Variants in MICAL3 observed in about 807,000 individuals in gnomAD.
MICAL3 encodes [F-actin]-monooxygenase MICAL3.
In MICAL3, 62 loss-of-function variants were observed where a neutral mutation model predicts 207.4. The ratio of observed to expected loss-of-function variants is 0.30; its 90% CI spans 0.24 to 0.37. The LOEUF (loss-of-function observed/expected upper bound fraction) is 0.37, where lower values mean the gene tolerates loss of function less well. MICAL3 is among the 10% of genes least tolerant of loss of function. The probability of loss-of-function intolerance (pLI) is 1.00; values close to 1 mark genes in which losing one functional copy is unlikely to be tolerated. For synonymous variants in MICAL3, 1,077 were observed against 1,069.3 expected, an observed-to-expected ratio of 1.01 and a Z score of -0.14; for missense variants, 2,368 against 2,635.6, an observed-to-expected ratio of 0.90 and a Z score of 2.22.
chr22:17,810,848 G>A (rs1157759844), intron 27 of MICAL3, 35 bp from the exon 28 acceptor site: 1 of 1,557,122 alleles, frequency 6.4e-7, no homozygotes. Context: ...TCAGTCAGGT[G>A]CACGGAGGCC....
chr22:17,794,266 T>C (rs137868561), intron 29 of MICAL3, among the ~76,000 whole-genome samples: 177 of 152,374 alleles, frequency 1.2e-3, no homozygotes, highest in African/African-American at 3.8e-3. Context: ...AGCCCCTGGA[T>C]AGGTCTGCCT....
At chr22:17,894,404 A>G (rs1215732749) in intron 10 of MICAL3, among the ~76,000 whole-genome samples, 1 of 151,770 alleles carries the variant, frequency 6.6e-6, no homozygotes, top group Non-Finnish European at 1.5e-5. Flanking sequence ...TCAAAAAAAA[A>G]AAAAAAGAAA....
intron 22 of MICAL3, 141 bp from the exon 23 acceptor site, chr22:17,823,201 G>A (rs1423156632): frequency 9.4e-6 from 6 of 640,772 alleles, no homozygotes; most frequent in Middle Eastern, 3.1e-4. Context: ...CCAGGCCCAG[G>A]GGGCTCTCCA....
chr22:17,825,329 G>A lies in MICAL3; in HGVS notation c.3194-2269C>T, dbSNP rs1229557954. Among the ~76,000 whole-genome samples the A allele has an allele frequency of 3.9e-5, 6 of 152,334 alleles. No individual in the cohort carries two copies. In the South Asian group the frequency reaches 1.0e-3, roughly 26 times the overall value. ...TGTTGAAAGGGACACAGCTTGAGGG[G>A]TGGATCTGGGGGTGAAATTCAGGTT... On this transcript the variant is annotated intron_variant, in intron 22 of 31. Coordinates refer to ENST00000441493, the MANE Select transcript of MICAL3 (RefSeq NM_015241.3).
chr22:17,846,758 G>T (rs1426099066), intron 19 of MICAL3, among the ~76,000 whole-genome samples: 1 of 152,246 alleles, frequency 6.6e-6, no homozygotes, highest in African/African-American at 2.4e-5. Context: ...AAAGCGGGAT[G>T]AAAGATCTGC....
chr22:17,950,267 T>G (rs1163832720), intron 1 of MICAL3, among the ~76,000 whole-genome samples: 1 of 151,462 alleles, frequency 6.6e-6, no homozygotes, highest in Admixed American at 6.6e-5. Context: ...GTTCAGGCGA[T>G]TCTTGTACCT....
chr22:17,843,745 C>G (rs1490169699), intron 19 of MICAL3, among the ~76,000 whole-genome samples: 1 of 152,230 alleles, frequency 6.6e-6, no homozygotes, highest in Non-Finnish European at 1.5e-5. Flanking sequence ...CCACTGTGTG[C>G]ATACTCCTGG....
intron 1 of MICAL3, among the ~76,000 whole-genome samples, chr22:17,936,474 A>T (rs562232945): frequency 1.1e-4 from 17 of 152,224 alleles, no homozygotes; most frequent in African/African-American, 3.4e-4. Context: ...CACCTAATGT[A>T]AATGATGAGT....
intron 1 of MICAL3, among the ~76,000 whole-genome samples, chr22:17,977,184 T>A (rs939775774): frequency 6.6e-6 from 1 of 152,132 alleles, no homozygotes; most frequent in African/African-American, 2.4e-5. Context: ...GAGAGTAAAT[T>A]TGACATCACC....
At position 17,817,662 on chromosome 22, in the gene MICAL3, C is replaced by T. The variant is rs1921147379; in HGVS notation, c.4999G>A (p.Ala1667Thr). Residue 1667 changes from alanine to threonine, a missense_variant, in exon 26 of 32, where the codon GCC becomes ACC. Coordinates refer to ENST00000441493, the MANE Select transcript of MICAL3 (RefSeq NM_015241.3). ...GSEEPTLKHE[A>T]TSEEVLSPPS... ...GGGGAGAGGACCTCCTCGCTGGTGG[C>T]TTCATGCTTCAGGGTGGGCTCCTCG... 1 of 1,611,546 alleles carries T rather than the reference C, an allele frequency of 6.2e-7. No homozygotes were observed. Among genetic ancestry groups the T allele is most frequent in the African/African-American group, 1.3e-5 (1 of 74,888 alleles).
At chr22:17,907,438 A>T (rs1335319873) in intron 1 of MICAL3, among the ~76,000 whole-genome samples, 1 of 151,800 alleles carries the variant, frequency 6.6e-6, no homozygotes, top group Non-Finnish European at 1.5e-5. Context: ...AAACAGAAGC[A>T]CTCCTTGGTG....
chr22:17,995,563 T>C (rs1219249720), intron 1 of MICAL3, among the ~76,000 whole-genome samples: 1 of 141,542 alleles, frequency 7.1e-6, no homozygotes, highest in Non-Finnish European at 1.5e-5. Flanking sequence ...TGGAATGCAG[T>C]GGTGCGATCT....
At chr22:17,931,654 G>A (rs1476000971) in intron 1 of MICAL3, among the ~76,000 whole-genome samples, 1 of 152,158 alleles carries the variant, frequency 6.6e-6, no homozygotes, top group Non-Finnish European at 1.5e-5. Flanking sequence ...AGCTGAGTCT[G>A]GCATCCCCAA....
intron 19 of MICAL3, chr22:17,864,153 C>T: frequency 1.0e-6 from 1 of 988,596 alleles, no homozygotes; most frequent in East Asian, 1.1e-4. Flanking sequence ...AGGCCTGGTA[C>T]CCACAAACCC....
intron 17 of MICAL3, 55 bp from the exon 18 acceptor site, chr22:17,866,067 C>G: frequency 7.4e-7 from 1 of 1,350,488 alleles, no homozygotes; most frequent in Non-Finnish European, 1.1e-6. Context: ...GGATCCTGAA[C>G]GTGCCTCCCT....
chr22:17,811,051 A>C (rs1036618802), intron 27 of MICAL3: 10 of 487,008 alleles, frequency 2.1e-5, no homozygotes, highest in African/African-American at 1.6e-4. Context: ...CCACGGGCAC[A>C]CCTAAGATCC....
intron 16 of MICAL3, among the ~76,000 whole-genome samples, chr22:17,884,950 C>T (rs781392910): frequency 2.0e-4 from 31 of 152,322 alleles, no homozygotes; most frequent in East Asian, 9.6e-4. Context: ...ATGGAAAAGA[C>T]GGAGAGAGAG....
At chr22:17,941,215 G>A (rs1006326179) in intron 1 of MICAL3, among the ~76,000 whole-genome samples, 2 of 152,162 alleles carry the variant, frequency 1.3e-5, no homozygotes, top group Non-Finnish European at 2.9e-5. Context: ...GCCTGCATTT[G>A]CCCTAAGAGA....
At chr22:17,924,051 G>A (rs2146302956) in intron 1 of MICAL3, among the ~76,000 whole-genome samples, 1 of 152,284 alleles carries the variant, frequency 6.6e-6, no homozygotes, top group South Asian at 2.1e-4. Context: ...AAAAGCATCA[G>A]ATCTCAAGAG....
Sources: allele counts gnomAD v4.1 joint callset (sites outside exome capture counted in the v4.1 genomes callset), GRCh38; gene constraint gnomAD v4.1.1; transcripts MANE v1.5; gene names NCBI Gene and HGNC (gene_info 2026-07-23, HGNC 2026-07-21).